The following CKAP5 variants were observed in gnomAD, a reference collection of about 807,000 sequenced individuals.
CKAP5 encodes the protein cytoskeleton associated protein 5.
In CKAP5, 27 loss-of-function variants were observed where a neutral mutation model predicts 232.8. The ratio of observed to expected loss-of-function variants is 0.12; its 90% CI spans 0.09 to 0.16. The LOEUF (loss-of-function observed/expected upper bound fraction) is 0.16. Among genes scored for constraint, CKAP5 ranks in the 10% least tolerant of loss-of-function variants. The pLI, the probability that CKAP5 is intolerant of heterozygous loss-of-function variation, is 1.00. For synonymous variants in CKAP5, 785 were observed against 841.1 expected (o/e 0.93, Z 1.16); for missense variants, 1,838 against 2,424.7 (o/e 0.76, Z 5.08).
In CKAP5 at chr11:46,844,866, G is replaced by A. The variant is rs143665590; in HGVS notation, c.-38+1354C>T. 4.9e-3 allele frequency among the ~76,000 whole-genome samples: 740 copies of A among 152,194 alleles called. 9 individuals carry two copies. The highest frequency in any genetic ancestry group is 0.017 in the African/African-American group (688 of 41,520). On this transcript the variant is annotated intron_variant, in intron 1 of 43. Transcript: ENST00000529230. ...AGACGGGGTTTCACCATGTTGGCCC[G>A]ACTGGTCTCAAACTCCTGACCTCGT...
chr11:46,789,028 A>T (rs541832105), intron 15 of CKAP5, among the ~76,000 whole-genome samples: 1 of 152,354 alleles, frequency 6.6e-6, no homozygotes, highest in East Asian at 1.9e-4. Context: ...CGTTTATCTC[A>T]CATTTCAGGA....
chr11:46,839,773 T>C (rs769595359), intron 1 of CKAP5, among the ~76,000 whole-genome samples: 15 of 152,170 alleles, frequency 9.9e-5, no homozygotes, highest in Non-Finnish European at 1.8e-4. Context: ...CTTAGTTCTA[T>C]GATTTTGAGC....
At position 46,780,615 on chromosome 11, in the gene CKAP5, C is replaced by CTTTAT. The variant is rs892907959; in HGVS notation, c.2250-135_2250-131dup. ...CTCACTTTTTCTCTTCCTACACTAACTTTATTTTATTTTATTTATTTGAGA... is the reference window on the plus strand; with the variant it reads ...CTCACTTTTTCTCTTCCTACACTAACTTTATTTTATTTTATTTTATTTATTTGAGA... On this transcript the variant is annotated intron_variant, in intron 18 of 43. Coordinates refer to ENST00000529230, the MANE Select transcript of CKAP5 (RefSeq NM_001008938.4). The CTTTAT allele has an allele frequency of 7.2e-6, 5 of 693,584 alleles. No individual in the cohort carries two copies. The East Asian group carries it at 1.3e-4, about 19-fold the overall frequency. The allele number at this position is 693,584 out of a possible 1,614,324, so 43.0% of individuals were successfully genotyped here.
At chr11:46,835,873 C>T (rs1268300169) in intron 1 of CKAP5, among the ~76,000 whole-genome samples, 3 of 152,202 alleles carry the variant, frequency 2.0e-5, no homozygotes, top group Non-Finnish European at 1.5e-5. Context: ...CAAACACTAA[C>T]TTAATCAAGT....
At chr11:46,840,936 C>A (rs972618365) in intron 1 of CKAP5, among the ~76,000 whole-genome samples, 1 of 152,134 alleles carries the variant, frequency 6.6e-6, no homozygotes, top group Admixed American at 6.5e-5. Context: ...TGGGACTAAA[C>A]CCTCAACCTG....
At chr11:46,830,440 CAAAAAAAAAA>C (rs71042623) in intron 1 of CKAP5, among the ~76,000 whole-genome samples, 15 of 67,906 alleles carry the variant, frequency 2.2e-4, no homozygotes, top group African/African-American at 4.6e-4. Flanking sequence ...GACTCCGTCT[CAAAAAAAAAA>C]AAAAAAAAAA....
At chr11:46,752,193 T>TATATACATACACACAC (rs1408030107) in intron 38 of CKAP5, among the ~76,000 whole-genome samples, 1 of 66,574 alleles carries the variant, frequency 1.5e-5, no homozygotes, top group African/African-American at 5.1e-5. Context: ...TATATATATA[T>TATATACATACACACAC]ACACACACAC....
intron 26 of CKAP5, among the ~76,000 whole-genome samples, chr11:46,768,279 C>T (rs754050313): frequency 1.3e-5 from 2 of 152,202 alleles, no homozygotes; most frequent in South Asian, 2.1e-4. Flanking sequence ...CAGCCTTGAC[C>T]TCCCTGGCTA....
chr11:46,800,850 G>C (rs1939012702), intron 9 of CKAP5, among the ~76,000 whole-genome samples: 1 of 151,852 alleles, frequency 6.6e-6, no homozygotes, highest in South Asian at 2.1e-4. Flanking sequence ...TTTCATTCTG[G>C]TCCTGGTCGT....
rs568060666 is a variant in CKAP5 at position 46,821,179 on chromosome 11, T to A, written c.53A>T (p.His18Leu). The A allele has an allele frequency of 1.2e-6, 2 of 1,611,344 alleles. No homozygotes were observed. Among genetic ancestry groups the A allele is most frequent in the South Asian group, 1.1e-5 (1 of 90,978 alleles). ...LKLPVDQKCE[H>L]KLWKARLSGY... is the part of the protein sequence containing the mutation. ...CGAATTCCAGAAGAATCTTACCTTG[T>A]GTTCACATTTCTGATCAACTGGCAG... The change falls in exon 2 of 44, where the codon CAC becomes CTC. Residue 18 changes from histidine (H) to leucine (L), a missense_variant. Physicochemically the swap from His to Leu is moderately conservative, Grantham distance 99 (BLOSUM62 -3). Coordinates refer to ENST00000529230, the MANE Select transcript of CKAP5 (RefSeq NM_001008938.4).
chr11:46,809,954 A>G, intron 5 of CKAP5, 80 bp from the exon 6 acceptor site: 2 of 1,356,420 alleles, frequency 1.5e-6, no homozygotes, highest in South Asian at 1.3e-5. Context: ...ATTTATTGAC[A>G]TATCAGGACC....
intron 34 of CKAP5, 107 bp downstream of exon 34, chr11:46,759,162 A>G: frequency 6.6e-7 from 1 of 1,508,412 alleles, no homozygotes; most frequent in East Asian, 2.3e-5. Context: ...CATTCAAAAA[A>G]TAATCAGTTC....
At chr11:46,793,543 G>T (rs1243400803) in intron 13 of CKAP5, among the ~76,000 whole-genome samples, 6 of 152,258 alleles carry the variant, frequency 3.9e-5, no homozygotes, top group Non-Finnish European at 7.3e-5. Context: ...TCAGTAAAAT[G>T]ACCAATTGGT....
chr11:46,754,645 A>T (rs1183260794), intron 36 of CKAP5, among the ~76,000 whole-genome samples: 1 of 152,226 alleles, frequency 6.6e-6, no homozygotes, highest in Non-Finnish European at 1.5e-5. Context: ...ATGCCTGATG[A>T]AGAAACTGGC....
intron 6 of CKAP5, 72 bp from the exon 7 acceptor site, chr11:46,809,572 C>T (rs1939230801): frequency 1.5e-6 from 2 of 1,375,996 alleles, no homozygotes; most frequent in East Asian, 4.6e-5. Context: ...TCAGTCCTTT[C>T]ACAACCCTGA....
At chr11:46,835,792 A>T (rs1400626274) in intron 1 of CKAP5, among the ~76,000 whole-genome samples, 1 of 152,242 alleles carries the variant, frequency 6.6e-6, no homozygotes, top group Non-Finnish European at 1.5e-5. Context: ...GGGGTGGGCT[A>T]GACCTGGCTA....
At chr11:46,782,930 G>A (rs988465019) in intron 18 of CKAP5, among the ~76,000 whole-genome samples, 2 of 152,214 alleles carry the variant, frequency 1.3e-5, no homozygotes, top group Admixed American at 1.3e-4. Flanking sequence ...ATTTCTGACA[G>A]CAGTTAATTC....
At chr11:46,813,195 T>G (rs963048602) in intron 4 of CKAP5, among the ~76,000 whole-genome samples, 2 of 152,170 alleles carry the variant, frequency 1.3e-5, no homozygotes, top group African/African-American at 2.4e-5. Flanking sequence ...TTTAAAATGC[T>G]TTTATATTAT....
rs1301089713 is a variant in CKAP5, at chr11:46,762,673, G to T, written c.3981C>A (p.Pro1327=). Residue 1327 remains proline, a synonymous_variant, in exon 31 of 44, where the codon CCC becomes CCA. Coordinates refer to ENST00000529230, the MANE Select transcript of CKAP5 (RefSeq NM_001008938.4). ...TGGATTTGGTTCCTTCCATGATAAA[G>T]GGAAACATCTTGCTAGCTGGGTAGA... is the stretch of plus-strand genomic sequence containing the variant. ...CLVYPASKMF[P]FIMEGTKSKN... is the part of the protein sequence containing the mutation. 1 of 1,614,130 alleles carries T rather than the reference G, an allele frequency of 6.2e-7. No homozygotes were observed. The highest frequency in any genetic ancestry group is 8.5e-7 in the Non-Finnish European group (1 of 1,179,970).
Sources: gnomAD v4.1 joint callset for allele counts (sites outside exome capture counted in the v4.1 genomes callset) on GRCh38, gnomAD v4.1.1 for gene constraint, MANE v1.5 for transcripts, NCBI Gene and HGNC (gene_info 2026-07-23, HGNC 2026-07-21) for gene names.